Variants in NCAM2 observed in about 807,000 individuals in gnomAD.
NCAM2 encodes neural cell adhesion molecule 2.
In NCAM2, 30 loss-of-function variants were observed where a neutral mutation model predicts 98.1. The observed-to-expected ratio is 0.31, with a 90% CI of 0.23 to 0.41. The LOEUF (loss-of-function observed/expected upper bound fraction) is 0.41. NCAM2 is among the 10% of genes least tolerant of loss of function. The pLI, the probability that NCAM2 is intolerant of heterozygous loss-of-function variation, is 1.00. For synonymous variants in NCAM2, 368 were observed against 342.4 expected (o/e 1.07, Z -0.83); for missense variants, 867 against 1,005.8 (o/e 0.86, Z 1.87).
At chr21:21,369,238 A>C (rs894899521) in intron 8 of NCAM2, among the ~76,000 whole-genome samples, 1 of 151,866 alleles carries the variant, frequency 6.6e-6, no homozygotes, top group Non-Finnish European at 1.5e-5. Flanking sequence ...CTTTGTTATC[A>C]GCTTTTTCCT....
At chr21:21,188,729 T>C (rs908050865) in intron 1 of NCAM2, among the ~76,000 whole-genome samples, 9 of 152,126 alleles carry the variant, frequency 5.9e-5, no homozygotes, top group African/African-American at 2.2e-4. Flanking sequence ...CAGGGAAGGA[T>C]AGAGCTAATT....
chr21:21,004,537 A>G (rs562873249), intron 1 of NCAM2, among the ~76,000 whole-genome samples: 3 of 152,344 alleles, frequency 2.0e-5, no homozygotes, highest in Admixed American at 6.5e-5. Context: ...GGAAAATTCA[A>G]TGTTGATAAT....
intron 1 of NCAM2, among the ~76,000 whole-genome samples, chr21:21,123,848 C>CTTATTTTTTTTT: frequency 1.2e-5 from 1 of 86,666 alleles, no homozygotes; most frequent in East Asian, 3.9e-4. Flanking sequence ...TTCTTGATTG[C>CTTATTTTTTTTT]TTTTTTTTTT....
intron 8 of NCAM2, among the ~76,000 whole-genome samples, chr21:21,370,583 C>G (rs573184655): frequency 6.6e-6 from 1 of 151,582 alleles, no homozygotes; most frequent in South Asian, 2.1e-4. Flanking sequence ...CAGAACCCAG[C>G]AAAGTGTCTA....
intron 1 of NCAM2, among the ~76,000 whole-genome samples, chr21:21,260,387 A>T (rs2071849256): frequency 6.6e-6 from 1 of 152,128 alleles, no homozygotes; most frequent in East Asian, 1.9e-4. Context: ...ACCATAACCA[A>T]GGTAAATAGT....
chr21:21,044,603 T>G lies in NCAM2; in HGVS notation c.55+45985T>G, dbSNP rs973813264. On this transcript the variant is annotated intron_variant, in intron 1 of 17. Coordinates refer to ENST00000400546, the MANE Select transcript of NCAM2 (RefSeq NM_004540.5). ...TTAAAACCAAATAAAAATGATTCAT[T>G]TTTAAAGAATAAAAATAAAAGAATT... Among the ~76,000 whole-genome samples the G allele has an allele frequency of 5.3e-5, 8 of 152,320 alleles. No homozygotes were observed. In the South Asian group the frequency reaches 1.7e-3, roughly 32 times the overall value.
intron 12 of NCAM2, among the ~76,000 whole-genome samples, chr21:21,435,804 T>C (rs546767351): frequency 6.6e-6 from 1 of 152,336 alleles, no homozygotes; most frequent in Non-Finnish European, 1.5e-5. Flanking sequence ...ATTTACACTT[T>C]ATATCTCAAA....
chr21:21,510,890 G>T (rs1988332951), intron 16 of NCAM2, among the ~76,000 whole-genome samples: 1 of 151,964 alleles, frequency 6.6e-6, no homozygotes, highest in South Asian at 2.1e-4. Context: ...TCAAGAAAAA[G>T]AACTTTATTA....
chr21:21,296,431 A>T (rs1805744171), intron 5 of NCAM2, among the ~76,000 whole-genome samples: 5 of 89,398 alleles, frequency 5.6e-5, no homozygotes, highest in Admixed American at 5.3e-4. Flanking sequence ...AGTTGTGAAA[A>T]AATCCAAGCA....
intron 1 of NCAM2, among the ~76,000 whole-genome samples, chr21:21,090,436 T>G (rs1422212272): frequency 6.6e-6 from 1 of 152,168 alleles, no homozygotes; most frequent in Non-Finnish European, 1.5e-5. Context: ...GTTTTATTCT[T>G]GTTATTTTCT....
rs1990269808 is a variant in NCAM2, at chr21:21,542,444, T to G, written c.*4487T>G. On this transcript the variant is annotated 3_prime_UTR_variant, in exon 18 of 18. Transcript: ENST00000400546. ...TATTTGTTATTACCTCTTTAAATTTTCATTTTATACAATTTTTGAGATTCT... is the reference window on the plus strand; with the variant it reads ...TATTTGTTATTACCTCTTTAAATTTGCATTTTATACAATTTTTGAGATTCT... 6.6e-6 allele frequency: 1 copy of G among 151,914 alleles called. No homozygotes were observed. The highest frequency in any genetic ancestry group is 1.5e-5 in the Non-Finnish European group (1 of 67,880). 9.4% of individuals were successfully genotyped at this position (151,914 alleles called of 1,614,324 possible). A position where few individuals can be genotyped will look rare whatever the true frequency, so the allele number is the denominator to read the frequency against.
intron 1 of NCAM2, among the ~76,000 whole-genome samples, chr21:21,149,200 T>G (rs2067373689): frequency 6.6e-6 from 1 of 152,186 alleles, no homozygotes; most frequent in Non-Finnish European, 1.5e-5. Context: ...TTTGAGGTCT[T>G]CCTTTTCCAT....
chr21:21,290,121 G>C (rs964177125), intron 4 of NCAM2: 5 of 151,912 alleles, frequency 3.3e-5, no homozygotes, highest in Non-Finnish European at 7.4e-5. Context: ...TGTGAAGACA[G>C]AACTGGAGAA....
intron 11 of NCAM2, among the ~76,000 whole-genome samples, chr21:21,430,889 T>C (rs1267758123): frequency 6.6e-6 from 1 of 151,344 alleles, no homozygotes; most frequent in Non-Finnish European, 1.5e-5. Flanking sequence ...CTACTAAAAA[T>C]ACAAAAATTA....
At chr21:21,244,592 T>TA (rs1384765361) in intron 1 of NCAM2, among the ~76,000 whole-genome samples, 1 of 152,112 alleles carries the variant, frequency 6.6e-6, no homozygotes, top group Non-Finnish European at 1.5e-5. Flanking sequence ...CTCATGCCTG[T>TA]AATCCCAGCA....
At chr21:21,443,090 G>A (rs1289819989) in intron 12 of NCAM2, among the ~76,000 whole-genome samples, 1 of 152,052 alleles carries the variant, frequency 6.6e-6, no homozygotes, top group Non-Finnish European at 1.5e-5. Flanking sequence ...TTCTCAATAT[G>A]CAGCCATAAA....
At chr21:21,138,409 T>C (rs1424246867) in intron 1 of NCAM2, among the ~76,000 whole-genome samples, 3 of 152,186 alleles carry the variant, frequency 2.0e-5, no homozygotes, top group Non-Finnish European at 4.4e-5. Context: ...TCATTTTCAT[T>C]ATCTGTAAAT....
At chr21:21,273,807 T>C (rs2147449515) in intron 1 of NCAM2, among the ~76,000 whole-genome samples, 1 of 152,304 alleles carries the variant, frequency 6.6e-6, no homozygotes, top group East Asian at 1.9e-4. Flanking sequence ...ATTTCTTGTT[T>C]AGGATGAAAC....
intron 12 of NCAM2, among the ~76,000 whole-genome samples, chr21:21,461,641 T>G (rs952753996): frequency 2.6e-5 from 4 of 151,944 alleles, no homozygotes; most frequent in Non-Finnish European, 5.9e-5. Flanking sequence ...TCCATAAAAG[T>G]TATTTATACC....
Sources: allele counts gnomAD v4.1 joint callset (sites outside exome capture counted in the v4.1 genomes callset), GRCh38; gene constraint gnomAD v4.1.1; transcripts MANE v1.5; gene names NCBI Gene and HGNC (gene_info 2026-07-23, HGNC 2026-07-21).